The following SNX29 variants were observed in gnomAD, a reference collection of about 807,000 sequenced individuals.
SNX29 encodes the protein sorting nexin 29.
Under a neutral mutation model 102.1 loss-of-function variants are expected in SNX29, and 78 were observed. The ratio of observed to expected loss-of-function variants is 0.76; its 90% confidence interval spans 0.64 to 0.92. The LOEUF (loss-of-function observed/expected upper bound fraction) is 0.92. Ranked by LOEUF, SNX29 falls within the 40% of genes least tolerant of loss-of-function variation. SNX29 has a pLI of 0.00. For missense variants in SNX29, 1,280 were observed against 1,061.7 expected (o/e 1.21, Z -2.86); for synonymous variants, 580 against 414.5 (o/e 1.40, Z -4.85).
intron 19 of SNX29, among the ~76,000 whole-genome samples, chr16:12,520,885 T>C (rs76417424): frequency 0.044 from 6,723 of 152,080 alleles, 254 homozygotes; most frequent in South Asian, 0.18. Context: ...GGCACTAGAG[T>C]TTCAGAATTC....
intron 3 of SNX29, among the ~76,000 whole-genome samples, chr16:12,009,948 T>C (rs2056591657): frequency 6.6e-6 from 1 of 152,242 alleles, no homozygotes; most frequent in Non-Finnish European, 1.5e-5. Flanking sequence ...CTTCAAATTA[T>C]GAACAGGAAT....
chr16:12,148,692 G>C (rs2055167758), intron 13 of SNX29, among the ~76,000 whole-genome samples: 1 of 151,986 alleles, frequency 6.6e-6, no homozygotes. Context: ...CCTTTGTCTT[G>C]TTTTATTTTA....
intron 19 of SNX29, among the ~76,000 whole-genome samples, chr16:12,517,253 A>G (rs948620885): frequency 2.0e-5 from 3 of 152,102 alleles, no homozygotes; most frequent in Non-Finnish European, 4.4e-5. Flanking sequence ...TTTGGCTGCC[A>G]CCCTAGGAGC....
intron 20 of SNX29, among the ~76,000 whole-genome samples, chr16:12,550,324 G>A (rs1228114455): frequency 6.6e-6 from 1 of 152,096 alleles, no homozygotes; most frequent in Non-Finnish European, 1.5e-5. Flanking sequence ...GTCACCTGAG[G>A]TCGAGTGTGA....
chr16:12,555,628 C>T (rs561361317), intron 20 of SNX29, among the ~76,000 whole-genome samples: 1 of 147,576 alleles, frequency 6.8e-6, no homozygotes, highest in Middle Eastern at 3.4e-3. Flanking sequence ...CATGCCACAC[C>T]TGAGTAACCC....
chr16:12,302,251 C>T (rs1436105966), intron 15 of SNX29, among the ~76,000 whole-genome samples: 3 of 152,188 alleles, frequency 2.0e-5, no homozygotes, highest in East Asian at 3.8e-4. Context: ...GGCCACGTTC[C>T]GTCAAACTTT....
intron 20 of SNX29, among the ~76,000 whole-genome samples, chr16:12,536,124 G>C (rs747011870): frequency 1.3e-5 from 2 of 152,184 alleles, no homozygotes; most frequent in Non-Finnish European, 2.9e-5. Context: ...ACACAGCCCA[G>C]CTTTGGTGCT....
chr16:12,118,913 C>G (rs1326942537), intron 11 of SNX29, among the ~76,000 whole-genome samples: 2 of 152,166 alleles, frequency 1.3e-5, no homozygotes, highest in African/African-American at 4.8e-5. Flanking sequence ...CAACTCTACA[C>G]TTCTGACATT....
At chr16:12,044,803 G>C (rs1286098348) in intron 5 of SNX29, among the ~76,000 whole-genome samples, 1 of 152,102 alleles carries the variant, frequency 6.6e-6, no homozygotes, top group Non-Finnish European at 1.5e-5. Flanking sequence ...TGGTCTTCTT[G>C]ATCTCCTGAC....
chr16:12,161,497 G>A (rs1443656954), intron 13 of SNX29, among the ~76,000 whole-genome samples: 1 of 152,332 alleles, frequency 6.6e-6, no homozygotes, highest in Admixed American at 6.5e-5. Context: ...CTGGGCTCCA[G>A]TAGCCACTGT....
chr16:12,496,355 T>A (rs1275965229), intron 19 of SNX29, among the ~76,000 whole-genome samples: 2 of 152,048 alleles, frequency 1.3e-5, no homozygotes, highest in African/African-American at 4.8e-5. Context: ...GTACACGGCC[T>A]CCCCAGCAAG....
intron 18 of SNX29, among the ~76,000 whole-genome samples, chr16:12,426,406 C>G (rs943334082): frequency 1.3e-5 from 2 of 152,130 alleles, no homozygotes; most frequent in Non-Finnish European, 2.9e-5. Context: ...ACACGTCACT[C>G]CCTCAAAACA....
chr16:12,008,408 TAC>T (rs1325098277), intron 3 of SNX29, among the ~76,000 whole-genome samples: 1 of 152,112 alleles, frequency 6.6e-6, no homozygotes, highest in Non-Finnish European at 1.5e-5. Context: ...TAGCTGGGAT[TAC>T]AGGTGTGTAC....
At chr16:12,560,947 ACCAGAC>A (rs1716599100) in intron 20 of SNX29, 1 of 209,760 alleles carries the variant, frequency 4.8e-6, no homozygotes, top group Non-Finnish European at 9.7e-6. Flanking sequence ...GATCCGGAGA[ACCAGAC>A]CCAGACCTGC....
chr16:12,548,993 C>G (rs1225078292), intron 20 of SNX29, among the ~76,000 whole-genome samples: 3 of 152,200 alleles, frequency 2.0e-5, no homozygotes, highest in African/African-American at 7.2e-5. Context: ...CTCTCCCGTG[C>G]TTTGGGTCCG....
At chr16:12,031,118 GC>G (rs2057329924) in intron 4 of SNX29, among the ~76,000 whole-genome samples, 2 of 152,104 alleles carry the variant, frequency 1.3e-5, no homozygotes, top group South Asian at 4.2e-4. Context: ...TGTCGCCCAG[GC>G]TAGAGTGCAG....
intron 20 of SNX29, among the ~76,000 whole-genome samples, chr16:12,554,972 G>GGGGGT (rs1457202578): frequency 6.6e-6 from 1 of 151,018 alleles, no homozygotes; most frequent in African/African-American, 2.5e-5. Flanking sequence ...TGGTGAGGGG[G>GGGGGT]GTCAGTCAGC....
At chr16:12,132,565 GA>G (rs1391491294) in intron 13 of SNX29, among the ~76,000 whole-genome samples, 2 of 152,236 alleles carry the variant, frequency 1.3e-5, no homozygotes, top group Non-Finnish European at 1.5e-5. Context: ...GGGGCTGAAT[GA>G]GGAGGAAAAG....
At chr16:12,543,049 C>G (rs972843547) in intron 20 of SNX29, among the ~76,000 whole-genome samples, 4 of 152,156 alleles carry the variant, frequency 2.6e-5, no homozygotes, top group African/African-American at 9.7e-5. Context: ...AAAAGTGTCA[C>G]CAGGACCCTG....
Sources: allele counts gnomAD v4.1 joint callset (sites outside exome capture counted in the v4.1 genomes callset), GRCh38; gene constraint gnomAD v4.1.1; transcripts MANE v1.5; gene names NCBI Gene and HGNC (gene_info 2026-07-23, HGNC 2026-07-21).